Variants in TOMM70 observed in about 807,000 individuals in gnomAD.
TOMM70 encodes the protein mitochondrial import receptor subunit TOM70.
In TOMM70, 13 loss-of-function variants were observed where a neutral mutation model predicts 73.6. The ratio of observed to expected loss-of-function variants is 0.18; its 90% CI spans 0.11 to 0.28. The LOEUF is 0.28. Ranked by LOEUF, TOMM70 falls within the 10% of genes least tolerant of loss-of-function variation. The pLI is 1.00. For synonymous variants in TOMM70, 257 were observed against 271.2 expected (o/e 0.95, Z 0.51); for missense variants, 609 against 747.5 (o/e 0.81, Z 2.16).
intron 5 of TOMM70, among the ~76,000 whole-genome samples, chr3:100,379,637 G>A (rs1414738988): frequency 6.6e-6 from 1 of 152,058 alleles, no homozygotes; most frequent in Non-Finnish European, 1.5e-5. Flanking sequence ...TGTTTTTTGA[G>A]ACAGAGTCTT....
chr3:100,395,164 T>C (rs1706808588), intron 1 of TOMM70, among the ~76,000 whole-genome samples: 1 of 151,960 alleles, frequency 6.6e-6, no homozygotes, highest in Non-Finnish European at 1.5e-5. Flanking sequence ...GGTCAGGAGA[T>C]TGAGACCATC....
intron 1 of TOMM70, among the ~76,000 whole-genome samples, chr3:100,389,604 C>T (rs966643525): frequency 6.6e-6 from 1 of 151,846 alleles, no homozygotes. Context: ...AAGGTGAATA[C>T]TAAAAAATAA....
intron 5 of TOMM70, among the ~76,000 whole-genome samples, chr3:100,379,376 T>C (rs1468235669): frequency 6.6e-6 from 1 of 152,006 alleles, no homozygotes; most frequent in Non-Finnish European, 1.5e-5. Context: ...GTAATCCCAG[T>C]AGTATGGAAG....
At chr3:100,395,679 T>C (rs1360688986) in intron 1 of TOMM70, among the ~76,000 whole-genome samples, 3 of 151,874 alleles carry the variant, frequency 2.0e-5, no homozygotes. Flanking sequence ...CACACACATA[T>C]ATAAAATATA....
intron 4 of TOMM70, among the ~76,000 whole-genome samples, chr3:100,382,457 A>C (rs2148891937): frequency 6.6e-6 from 1 of 152,334 alleles, no homozygotes; most frequent in Middle Eastern, 3.4e-3. Context: ...AGGAAACCTA[A>C]GAGAAAACCC....
chr3:100,393,544 A>G (rs1706787741), intron 1 of TOMM70, among the ~76,000 whole-genome samples: 1 of 152,202 alleles, frequency 6.6e-6, no homozygotes, highest in Non-Finnish European at 1.5e-5. Flanking sequence ...AGACTTTACC[A>G]CTATACAATT....
At chr3:100,369,989 C>T (rs769888536) in intron 9 of TOMM70, among the ~76,000 whole-genome samples, 10 of 152,096 alleles carry the variant, frequency 6.6e-5, no homozygotes, top group Non-Finnish European at 1.0e-4. Context: ...CAGTTAACCC[C>T]GGTTATTTAT....
At chr3:100,373,152 A>C (rs1379712008) in intron 8 of TOMM70, among the ~76,000 whole-genome samples, 1 of 151,912 alleles carries the variant, frequency 6.6e-6, no homozygotes, top group Non-Finnish European at 1.5e-5. Context: ...TAAAAAAAAA[A>C]AAAAAACAAC....
intron 1 of TOMM70, among the ~76,000 whole-genome samples, chr3:100,397,438 A>G (rs1377431499): frequency 6.6e-6 from 1 of 152,256 alleles, no homozygotes; most frequent in East Asian, 1.9e-4. Flanking sequence ...TTCAAAGATT[A>G]CAGGTGTAGG....
chr3:100,386,913 A>G lies in TOMM70; in HGVS notation c.390T>C (p.Tyr130=), dbSNP rs1287392865. The stretch of plus-strand genomic sequence containing the variant: ...CAGTATAGCACTGAATAGCTTGTTC[A>G]TATTTTCCTGCTTTAAAATATTTAT... The part of the protein sequence containing the change: ...KGNKYFKAGK[Y]EQAIQCYTEA... The change falls in exon 2 of 12, where the codon TAT becomes TAC. Residue 130 remains tyrosine (Y), a synonymous_variant. Transcript: ENST00000284320. The G allele has an allele frequency of 1.9e-6, 3 of 1,613,992 alleles. No individual in the cohort carries two copies. The highest frequency in any genetic ancestry group is 2.2e-5 in the East Asian group (1 of 44,866).
At chr3:100,395,107 C>T (rs1055833364) in intron 1 of TOMM70, among the ~76,000 whole-genome samples, 7 of 152,168 alleles carry the variant, frequency 4.6e-5, no homozygotes, top group South Asian at 4.1e-4. Context: ...CGGTGGCTCA[C>T]GCCTGTAATC....
At chr3:100,387,890 T>C (rs1706712944) in intron 1 of TOMM70, among the ~76,000 whole-genome samples, 1 of 152,124 alleles carries the variant, frequency 6.6e-6, no homozygotes. Context: ...ACTCAGACTT[T>C]TTCAAAAAGG....
chr3:100,394,305 TG>T (rs1576218861), intron 1 of TOMM70, among the ~76,000 whole-genome samples: 2 of 152,106 alleles, frequency 1.3e-5, no homozygotes, highest in East Asian at 3.8e-4. Context: ...CAAATAACTC[TG>T]GAACACTTAC....
intron 4 of TOMM70, 134 bp downstream of exon 4, chr3:100,384,345 A>G (rs1341584496): frequency 3.7e-6 from 2 of 539,616 alleles, no homozygotes; most frequent in Admixed American, 3.3e-5. Flanking sequence ...AGATAACAGG[A>G]AGAAGAAATA....
Position 100,365,570 on chromosome 3 carries a change from T to G in TOMM70, c.1821A>C (p.Thr607=). 6.2e-7 allele frequency: 1 copy of G among 1,614,206 alleles called. No homozygotes were observed. Among genetic ancestry groups the G allele is most frequent in the East Asian group, 2.2e-5 (1 of 44,888 alleles). Reference sequence around the variant, plus strand: ...AGTCTGCTTTCCCCCTGTTTTATAATGTTGGTGGTTTTAATCCGTATTTCT... The same window carrying G: ...AGTCTGCTTTCCCCCTGTTTTATAAGGTTGGTGGTTTTAATCCGTATTTCT... ...VAKKYGLKPP[T]L is the part of the protein sequence containing the mutation. The change falls in exon 12 of 12, where the codon ACA becomes ACC. Residue 607 remains threonine (T), a synonymous_variant. Coordinates refer to ENST00000284320, the MANE Select transcript of TOMM70 (RefSeq NM_014820.5).
At chr3:100,369,475 T>G (rs1212602620) in intron 9 of TOMM70, among the ~76,000 whole-genome samples, 1 of 151,910 alleles carries the variant, frequency 6.6e-6, no homozygotes, top group Non-Finnish European at 1.5e-5. Flanking sequence ...TATTCATAAT[T>G]TATCATAATA....
chr3:100,386,732 A>T, intron 2 of TOMM70, 73 bp downstream of exon 2: 1 of 1,507,882 alleles, frequency 6.6e-7, no homozygotes. Flanking sequence ...GGTTTATTTG[A>T]GTAGCTTTAA....
At chr3:100,380,544 G>T (rs1420756559) in intron 5 of TOMM70, among the ~76,000 whole-genome samples, 1 of 152,088 alleles carries the variant, frequency 6.6e-6, no homozygotes, top group African/African-American at 2.4e-5. Context: ...TAAAACTTGG[G>T]TCCAATTCCA....
intron 11 of TOMM70, among the ~76,000 whole-genome samples, chr3:100,366,480 G>A (rs1425531463): frequency 6.6e-6 from 1 of 152,190 alleles, no homozygotes; most frequent in Non-Finnish European, 1.5e-5. Context: ...ATTGGCATAT[G>A]TGCCAGTTAG....
Sources: gnomAD v4.1 joint callset for allele counts (sites outside exome capture counted in the v4.1 genomes callset) on GRCh38, gnomAD v4.1.1 for gene constraint, MANE v1.5 for transcripts, NCBI Gene and HGNC (gene_info 2026-07-23, HGNC 2026-07-21) for gene names.